BCAR3: variants seen among roughly 807,000 people sequenced by gnomAD.
The protein encoded by BCAR3 is breast cancer anti-estrogen resistance protein 3.
BCAR3 carries 37 observed loss-of-function variants against 80.1 expected under a neutral mutation model. That is an observed-to-expected ratio of 0.46 (90% confidence interval 0.36 to 0.61). The LOEUF is 0.61. BCAR3 is among the 20% of genes least tolerant of loss of function. BCAR3 has a pLI of 0.00. For missense variants in BCAR3, 978 were observed against 1,068.2 expected (o/e 0.92, Z 1.18); for synonymous variants, 389 against 418.9 (o/e 0.93, Z 0.87).
At chr1:93,829,626 C>G (rs1004157959) in intron 2 of BCAR3, among the ~76,000 whole-genome samples, 1 of 151,954 alleles carries the variant, frequency 6.6e-6, no homozygotes, top group Admixed American at 6.6e-5. Context: ...GCTGGGATTA[C>G]AGGCACGAGC....
chr1:93,574,125 C>CCATT (rs1171111472), intron 8 of BCAR3, among the ~76,000 whole-genome samples: 1 of 152,062 alleles, frequency 6.6e-6, no homozygotes, highest in African/African-American at 2.4e-5. Context: ...ATGGTTATAT[C>CCATT]CATTCACTCA....
At chr1:93,661,205 A>G (rs1647637874) in intron 2 of BCAR3, among the ~76,000 whole-genome samples, 3 of 151,944 alleles carry the variant, frequency 2.0e-5, no homozygotes, top group Non-Finnish European at 2.9e-5. Context: ...ACGCCCTGCT[A>G]ATTTTATAGT....
intron 2 of BCAR3, among the ~76,000 whole-genome samples, chr1:93,769,559 C>T (rs2818163): frequency 0.85 from 129,167 of 151,702 alleles, 55,250 homozygotes; most frequent in East Asian, 1. Context: ...TGTGTGGCCA[C>T]TAGGAGAAAA....
At chr1:93,810,308 T>A (rs1653790199) in intron 2 of BCAR3, among the ~76,000 whole-genome samples, 1 of 152,162 alleles carries the variant, frequency 6.6e-6, no homozygotes, top group Non-Finnish European at 1.5e-5. Flanking sequence ...TAGCAATTAC[T>A]ATTTTATTGT....
chr1:93,590,338 T>TG (rs1674119048), intron 4 of BCAR3: 1 of 152,246 alleles, frequency 6.6e-6, no homozygotes, highest in East Asian at 1.9e-4. Context: ...TGTATGACTC[T>TG]GGACAAATTA....
intron 4 of BCAR3, 147 bp from the exon 5 acceptor site, chr1:93,589,566 A>C: frequency 6.8e-6 from 5 of 732,062 alleles, no homozygotes; most frequent in Non-Finnish European, 1.1e-5. Context: ...CAAAGATCAA[A>C]TTCATAGAAG....
At chr1:93,664,338 C>A (rs959142750) in intron 2 of BCAR3, among the ~76,000 whole-genome samples, 1 of 152,162 alleles carries the variant, frequency 6.6e-6, no homozygotes, top group African/African-American at 2.4e-5. Context: ...AGGCTTGTCT[C>A]GAACTCCTGA....
rs772245403 is a variant in BCAR3 at position 93,576,014 on chromosome 1, C to T, written c.1802G>A (p.Arg601Lys). The T allele has an allele frequency of 5.0e-6, 8 of 1,613,886 alleles. No homozygotes were observed. Among genetic ancestry groups the T allele is most frequent in the Non-Finnish European group, 6.8e-6 (8 of 1,179,894 alleles). The stretch of plus-strand genomic sequence containing the variant: ...AAGTGCAGAGGACGGCACTGCTCAC[C>T]TTTCAATTATGTCCAGGCGCAGCTG... ...GHQLRLDIIE[R>K]HNTMAIGIAV... Residue 601 changes from arginine (R) to lysine (K), a missense_variant and splice_region_variant, in exon 8 of 12, where the codon AGA (arginine) becomes AAA (lysine). By Grantham distance (26) the Arg-to-Lys change is conservative (BLOSUM62 2). Coordinates refer to ENST00000260502, the MANE Select transcript of BCAR3 (RefSeq NM_003567.4).
intron 2 of BCAR3, among the ~76,000 whole-genome samples, chr1:93,742,550 T>C (rs1651213609): frequency 6.6e-6 from 1 of 152,218 alleles, no homozygotes; most frequent in Admixed American, 6.5e-5. Flanking sequence ...TTTTCTCTAA[T>C]TGGCTTGCAC....
chr1:93,562,664 G>A (rs112584639), intron 11 of BCAR3, among the ~76,000 whole-genome samples: 4,061 of 151,376 alleles, frequency 0.027, 185 homozygotes, highest in African/African-American at 0.094. Context: ...CCAGCTACTC[G>A]GGAGGCTGAG....
At chr1:93,775,553 T>A (rs574257415) in intron 2 of BCAR3, 10 of 152,320 alleles carry the variant, frequency 6.6e-5, no homozygotes, top group African/African-American at 2.2e-4. Flanking sequence ...GCATATTTTT[T>A]AAAAAATTCA....
chr1:93,767,521 C>CT (rs1652196414), intron 2 of BCAR3, among the ~76,000 whole-genome samples: 1 of 138,994 alleles, frequency 7.2e-6, no homozygotes, highest in African/African-American at 2.8e-5. Flanking sequence ...GAGACTCTGT[C>CT]TCAAAAAAAA....
At chr1:93,818,472 G>C (rs1394272107) in intron 2 of BCAR3, among the ~76,000 whole-genome samples, 6 of 152,146 alleles carry the variant, frequency 3.9e-5, no homozygotes, top group Non-Finnish European at 1.5e-5. Flanking sequence ...GCCTACTGTC[G>C]TGGTTGTGGG....
chr1:93,630,469 A>G (rs1352937145), intron 3 of BCAR3, among the ~76,000 whole-genome samples: 1 of 151,942 alleles, frequency 6.6e-6, no homozygotes, highest in Non-Finnish European at 1.5e-5. Flanking sequence ...TCTAAAAAAA[A>G]AAAAAAATAC....
intron 11 of BCAR3, among the ~76,000 whole-genome samples, chr1:93,567,036 T>C (rs186563609): frequency 6.6e-6 from 1 of 152,248 alleles, no homozygotes; most frequent in Admixed American, 6.5e-5. Flanking sequence ...CCCCAGTTCT[T>C]TCTTGACCCC....
intron 2 of BCAR3, among the ~76,000 whole-genome samples, chr1:93,814,825 G>A (rs568793831): frequency 2.6e-5 from 4 of 152,338 alleles, no homozygotes; most frequent in South Asian, 4.1e-4. Flanking sequence ...CATCAAACAG[G>A]TTTAATCCAC....
intron 3 of BCAR3, chr1:93,602,482 GCA>G (rs1674654742): frequency 2.0e-5 from 3 of 152,282 alleles, no homozygotes; most frequent in Non-Finnish European, 4.4e-5. Flanking sequence ...TCCCCAAAAA[GCA>G]CACTTTCAAA....
intron 2 of BCAR3, among the ~76,000 whole-genome samples, chr1:93,835,591 C>T (rs540309473): frequency 1.2e-4 from 19 of 152,322 alleles, no homozygotes; most frequent in Admixed American, 2.0e-4. Flanking sequence ...GGTTACAAGC[C>T]GCTAGCCTGA....
intron 2 of BCAR3, among the ~76,000 whole-genome samples, chr1:93,725,532 G>A (rs1650549710): frequency 6.6e-6 from 1 of 152,104 alleles, no homozygotes; most frequent in Admixed American, 6.5e-5. Flanking sequence ...TACATATTCT[G>A]GAAACAAATC....
Sources: gnomAD v4.1 joint callset for allele counts (sites outside exome capture counted in the v4.1 genomes callset) on GRCh38, gnomAD v4.1.1 for gene constraint, MANE v1.5 for transcripts, NCBI Gene and HGNC (gene_info 2026-07-23, HGNC 2026-07-21) for gene names.